The following ITSN2 variants were observed in gnomAD, a reference collection of about 807,000 sequenced individuals.
ITSN2 encodes intersectin 2, also known as intersectin-2.
A neutral mutation model predicts 243.7 loss-of-function variants in ITSN2; 156 were observed. The ratio of observed to expected loss-of-function variants is 0.64; its 90% CI spans 0.56 to 0.73. ITSN2 has a LOEUF of 0.73. ITSN2 is among the 30% of genes least tolerant of loss of function. The probability of loss-of-function intolerance (pLI) is 0.00; values close to 1 mark genes in which losing one functional copy is unlikely to be tolerated. For synonymous variants in ITSN2, 703 were observed against 699.9 expected (o/e 1.00, Z -0.07); for missense variants, 1,801 against 1,996.1 (o/e 0.90, Z 1.86).
intron 29 of ITSN2, among the ~76,000 whole-genome samples, chr2:24,238,426 C>T (rs1004135239): frequency 6.6e-6 from 1 of 152,106 alleles, no homozygotes; most frequent in African/African-American, 2.4e-5. Context: ...GATTTAGATC[C>T]ATATCTTTCT....
intron 1 of ITSN2, among the ~76,000 whole-genome samples, chr2:24,346,989 C>T (rs909642074): frequency 4.5e-4 from 69 of 151,802 alleles, no homozygotes; most frequent in African/African-American, 1.6e-3. Flanking sequence ...CTCAGCCTCC[C>T]GAGTAGCTGC....
Position 24,210,922 on chromosome 2 carries a change from T to C in ITSN2, c.4115A>G (p.His1372Arg), listed in dbSNP as rs1400877885. 16 of 1,614,100 alleles carry C rather than the reference T, an allele frequency of 9.9e-6. No individual in the cohort carries two copies. Among genetic ancestry groups the C allele is most frequent in the Middle Eastern group, 1.6e-4 (1 of 6,084 alleles). ...RSILENTPES[H>R]ADHSSLKLAL... ...CAGCTTTAGGGAGGAATGGTCTGCATGGCTCTCCGGGGTGTTCTCCAGAAT... is the reference window on the plus strand; with the variant it reads ...CAGCTTTAGGGAGGAATGGTCTGCACGGCTCTCCGGGGTGTTCTCCAGAAT... Residue 1372 changes from histidine (H) to arginine (R), a missense_variant, in exon 34 of 40, where the codon CAT becomes CGT. Physicochemically the swap from His to Arg is conservative, Grantham distance 29. Transcript: ENST00000355123.
intron 7 of ITSN2, among the ~76,000 whole-genome samples, chr2:24,309,197 T>A (rs1044033653): frequency 6.6e-6 from 1 of 152,186 alleles, no homozygotes; most frequent in Non-Finnish European, 1.5e-5. Flanking sequence ...CTGCCTTTTC[T>A]CTTTTTCTGG....
rs1334075840 is a variant in ITSN2 at position 24,298,760 on chromosome 2, G to A, written c.1399C>T (p.Arg467Ter). 5 of 1,610,440 alleles carry A rather than the reference G, an allele frequency of 3.1e-6. No homozygotes were observed. Among genetic ancestry groups the A allele is most frequent in the Non-Finnish European group, 4.2e-6 (5 of 1,178,244 alleles). Reference sequence around the variant, plus strand: ...TTCTTTTGATTGAGAAGCTCCTGTCGCCGAATTCTCTCCCATTCTAAGCGA... The same window carrying A: ...TTCTTTTGATTGAGAAGCTCCTGTCACCGAATTCTCTCCCATTCTAAGCGA... The part of the protein sequence containing the change: ...QRRLEWERIR[R>*]QELLNQKNRE... The change falls in exon 13 of 40, where the codon CGA becomes TGA. Residue 467 changes from arginine to a stop codon, truncating the protein, a stop_gained. Coordinates refer to ENST00000355123, the MANE Select transcript of ITSN2 (RefSeq NM_006277.3). LOFTEE classifies it high-confidence loss of function.
chr2:24,226,012 A>G (rs1270416293), intron 29 of ITSN2, among the ~76,000 whole-genome samples: 1 of 152,166 alleles, frequency 6.6e-6, no homozygotes, highest in Admixed American at 6.5e-5. Flanking sequence ...ACTGGTTTGT[A>G]TCTGTCTTTT....
chr2:24,308,078 A>G (rs1682780845), intron 8 of ITSN2, among the ~76,000 whole-genome samples: 1 of 152,202 alleles, frequency 6.6e-6, no homozygotes, highest in Admixed American at 6.5e-5. Flanking sequence ...CCCTCTGTTT[A>G]TGTCTCCTTT....
intron 3 of ITSN2, 148 bp downstream of exon 3, chr2:24,314,984 A>T (rs1383202826): frequency 1.4e-5 from 6 of 441,156 alleles, no homozygotes; most frequent in African/African-American, 4.0e-5. Flanking sequence ...GGAAAAATAA[A>T]GTTAGCATTT....
chr2:24,359,468 A>T (rs1688749039), intron 1 of ITSN2, among the ~76,000 whole-genome samples: 1 of 152,216 alleles, frequency 6.6e-6, no homozygotes, highest in Non-Finnish European at 1.5e-5. Flanking sequence ...TTCCTATTTC[A>T]GTATTAACAC....
At chr2:24,250,858 C>T (rs1288737596) in intron 25 of ITSN2, among the ~76,000 whole-genome samples, 1 of 151,928 alleles carries the variant, frequency 6.6e-6, no homozygotes, top group African/African-American at 2.4e-5. Context: ...CGACTGAATA[C>T]AGAAACAGAC....
intron 30 of ITSN2, among the ~76,000 whole-genome samples, chr2:24,219,445 C>T (rs1670249701): frequency 6.6e-6 from 1 of 152,202 alleles, no homozygotes; most frequent in African/African-American, 2.4e-5. Flanking sequence ...AGACGGCCGG[C>T]CTGCTCGGAG....
intron 1 of ITSN2, among the ~76,000 whole-genome samples, chr2:24,337,602 A>G (rs562832734): frequency 1.4e-5 from 2 of 147,140 alleles, no homozygotes; most frequent in African/African-American, 5.0e-5. Flanking sequence ...TGCCTACCTC[A>G]GCCTCCCAGA....
chr2:24,223,876 A>AG (rs144063488), intron 29 of ITSN2, among the ~76,000 whole-genome samples: 10 of 52,302 alleles, frequency 1.9e-4, no homozygotes, highest in African/African-American at 9.1e-4. Flanking sequence ...AGAAAGAAAA[A>AG]AAAGAAAGAA....
chr2:24,335,207 AAAT>A (rs1686236142), intron 1 of ITSN2: 1 of 167,582 alleles, frequency 6.0e-6, no homozygotes, highest in African/African-American at 2.4e-5. Context: ...TATGTTAAAA[AAAT>A]AATAATTACA....
Position 24,257,913 on chromosome 2 carries a change from G to T in ITSN2, c.2863C>A (p.Pro955Thr). 1 of 1,613,874 alleles carries T rather than the reference G, an allele frequency of 6.2e-7. No individual in the cohort carries two copies. Among genetic ancestry groups the T allele is most frequent in the Non-Finnish European group, 8.5e-7 (1 of 1,179,854 alleles). The change falls in exon 23 of 40, where the codon CCT (proline) becomes ACT (threonine). Residue 955 changes from proline (P) to threonine (T), a missense_variant. By Grantham distance (38) the Pro-to-Thr change is conservative. Coordinates refer to ENST00000355123, the MANE Select transcript of ITSN2 (RefSeq NM_006277.3). ...TCTTCCCGTTTTACTTCACTCCCAG[G>T]AATGATCTTGACATAAGATTTGGGA... ...WFPKSYVKII[P>T]GSEVKREEPE...
chr2:24,305,400 G>A (rs1396934942), intron 8 of ITSN2, among the ~76,000 whole-genome samples: 1 of 151,908 alleles, frequency 6.6e-6, no homozygotes, highest in South Asian at 2.1e-4. Context: ...TTGGGAGTTC[G>A]AGACCAGCCT....
chr2:24,298,861 G>A lies in ITSN2; in HGVS notation c.1345-47C>T, dbSNP rs758043575. The A allele has an allele frequency of 5.8e-6, 9 of 1,539,388 alleles. No homozygotes were observed. The African/African-American group carries it at 8.4e-5, about 14-fold the overall frequency. ...ACTTAATTTTTAAATCAAAAATTTTGCACGATTCAAAAACTGGGAAGACAA... is the reference window on the plus strand; with the variant it reads ...ACTTAATTTTTAAATCAAAAATTTTACACGATTCAAAAACTGGGAAGACAA... On this transcript the variant is annotated intron_variant, in intron 12 of 39. Coordinates refer to ENST00000355123, the MANE Select transcript of ITSN2 (RefSeq NM_006277.3).
chr2:24,308,913 A>G, intron 7 of ITSN2, 157 bp from the exon 8 acceptor site: 1 of 600,976 alleles, frequency 1.7e-6, no homozygotes, highest in African/African-American at 1.8e-5. Context: ...GGGCTCGGTG[A>G]GTGGCAGGTG....
intron 29 of ITSN2, among the ~76,000 whole-genome samples, chr2:24,226,079 T>C (rs992017733): frequency 4.6e-5 from 7 of 152,140 alleles, no homozygotes; most frequent in Non-Finnish European, 7.4e-5. Flanking sequence ...ACGGTGTCAG[T>C]GGCTCTGACT....
chr2:24,208,454 T>C (rs1280026466), intron 36 of ITSN2, 135 bp from the exon 37 acceptor site: 6 of 678,214 alleles, frequency 8.8e-6, no homozygotes, highest in Middle Eastern at 2.5e-4. Flanking sequence ...AGACCTGATA[T>C]TAGTCAACTG....
Sources: allele counts gnomAD v4.1 joint callset (sites outside exome capture counted in the v4.1 genomes callset), GRCh38; gene constraint gnomAD v4.1.1; transcripts MANE v1.5; gene names NCBI Gene and HGNC (gene_info 2026-07-23, HGNC 2026-07-21).